Variants in CACYBP observed in about 807,000 individuals in gnomAD.
CACYBP encodes calcyclin-binding protein.
Under a neutral mutation model 29.6 loss-of-function variants are expected in CACYBP, and 11 were observed. The observed-to-expected ratio is 0.37, with a 90% CI of 0.23 to 0.61. The LOEUF is 0.61. Ranked by LOEUF, CACYBP falls within the 20% of genes least tolerant of loss-of-function variation. The pLI is 0.65. For missense variants in CACYBP, 163 were observed against 260.7 expected, an observed-to-expected ratio of 0.63 and a Z score of 2.58; for synonymous variants, 73 against 88.3, an observed-to-expected ratio of 0.83 and a Z score of 0.97.
In CACYBP at chr1:175,000,010, T is replaced by A; in HGVS notation, c.-171T>A. 1.1e-6 allele frequency: 1 copy of A among 938,394 alleles called. No homozygotes were observed. Among genetic ancestry groups the A allele is most frequent in the Non-Finnish European group, 1.6e-6 (1 of 613,400 alleles). The allele number at this position is 938,394 out of a possible 1,614,324, so 58.1% of individuals were successfully genotyped here. ...CTGCCTCGCGAAGGTTCGAGATCCGTCGCGTGCGGGAGGCGGGCCGCGATC... is the reference window on the plus strand; with the variant it reads ...CTGCCTCGCGAAGGTTCGAGATCCGACGCGTGCGGGAGGCGGGCCGCGATC... On this transcript the variant is annotated 5_prime_UTR_variant, in exon 1 of 6. Transcript: ENST00000367679.
chr1:175,004,516 T>A, intron 1 of CACYBP, 98 bp from the exon 2 acceptor site: 1 of 712,554 alleles, frequency 1.4e-6, no homozygotes, highest in Non-Finnish European at 2.3e-6. Context: ...ACTTCTTAAT[T>A]CTTAGTGCTT....
chr1:175,006,952 C>T, intron 3 of CACYBP, 111 bp downstream of exon 3: 1 of 841,380 alleles, frequency 1.2e-6, no homozygotes, highest in Non-Finnish European at 1.9e-6. Context: ...ATTAATTATC[C>T]TTTACAACTA....
At chr1:175,000,698 C>A in intron 1 of CACYBP, 1 of 727,214 alleles carries the variant, frequency 1.4e-6, no homozygotes. Flanking sequence ...TTCTCTGTGT[C>A]GCAGTAGCAT....
At position 175,011,424 on chromosome 1, in the gene CACYBP, G is replaced by A. The variant is rs1320884060; in HGVS notation, c.*1345G>A. 1 of 151,944 alleles carries A rather than the reference G, an allele frequency of 6.6e-6. No individual in the cohort carries two copies. The highest frequency in any genetic ancestry group is 1.5e-5 in the Non-Finnish European group (1 of 67,990). 9.4% of individuals were successfully genotyped at this position (151,944 alleles called of 1,614,324 possible). A position where few individuals can be genotyped will look rare whatever the true frequency, so the allele number is the denominator to read the frequency against. On this transcript the variant is annotated 3_prime_UTR_variant, in exon 6 of 6. Transcript: ENST00000367679. ...ATAGATATATTCCAAGCCGCCTGAC[G>A]ATCTAATTGTAAAAAGTAAAGCATA...
intron 2 of CACYBP, among the ~76,000 whole-genome samples, chr1:175,005,594 G>T (rs1171833371): frequency 6.6e-6 from 1 of 152,176 alleles, no homozygotes; most frequent in African/African-American, 2.4e-5. Flanking sequence ...CAGAGAATGT[G>T]AATAGAGAGT....
rs1371755590 is a variant in CACYBP at position 175,004,960 on chromosome 1, TTTTA to T, written c.235+132_235+135del. ...GTGGTTTGGAGCAAGACCCATCAGTTTTTATTTAATAAAACTTTTTTAAGATATA... is the reference window on the plus strand; with the variant it reads ...GTGGTTTGGAGCAAGACCCATCAGTTTTTAATAAAACTTTTTTAAGATATA... On this transcript the variant is annotated intron_variant, in intron 2 of 5. Transcript: ENST00000367679. 4 of 721,738 alleles carry T rather than the reference TTTTA, an allele frequency of 5.5e-6. No homozygotes were observed. The Admixed American group carries it at 6.4e-5, about 12-fold the overall frequency. The allele number at this position is 721,738 out of a possible 1,614,324, so 44.7% of individuals were successfully genotyped here.
Position 175,004,841 on chromosome 1 carries a change from T to G in CACYBP, c.235+8T>G, listed in dbSNP as rs1384671891. On this transcript the variant is annotated splice_region_variant and intron_variant, in intron 2 of 5. Transcript: ENST00000367679. ...TGAAAATCAGTAATTATGGTATGAC[T>G]TGCTTCCCTATAGCCAGTTCTGCCT... 1 of 1,573,254 alleles carries G rather than the reference T, an allele frequency of 6.4e-7. No individual in the cohort carries two copies. Among genetic ancestry groups the G allele is most frequent in the East Asian group, 2.2e-5 (1 of 44,712 alleles).
intron 4 of CACYBP, among the ~76,000 whole-genome samples, chr1:175,008,370 C>G (rs1672667683): frequency 6.6e-6 from 1 of 152,006 alleles, no homozygotes; most frequent in Non-Finnish European, 1.5e-5. Context: ...CCCCCATTAA[C>G]ACCCGCTTTG....
intron 1 of CACYBP, chr1:175,000,607 C>G: frequency 1.8e-6 from 2 of 1,090,612 alleles, no homozygotes; most frequent in Non-Finnish European, 2.2e-6. Flanking sequence ...AAGGTGAGTT[C>G]TCAGTGCTAG....
chr1:175,006,943 T>C, intron 3 of CACYBP, 102 bp downstream of exon 3: 1 of 858,704 alleles, frequency 1.2e-6, no homozygotes, highest in Non-Finnish European at 1.9e-6. Flanking sequence ...AAATTTAGAA[T>C]TAATTATCCT....
intron 1 of CACYBP, among the ~76,000 whole-genome samples, chr1:175,000,953 C>G (rs1672463041): frequency 6.6e-6 from 1 of 152,166 alleles, no homozygotes. Flanking sequence ...TGCTCATTTC[C>G]TGGCGTAAGT....
At chr1:175,006,924 A>T in intron 3 of CACYBP, 83 bp downstream of exon 3, 1 of 923,544 alleles carries the variant, frequency 1.1e-6, no homozygotes. Flanking sequence ...TGCAGTTTTT[A>T]AAATTCTTAA....
At chr1:174,999,649 G>A (rs534344968), upstream of CACYBP, 2 of 228,256 alleles carry the variant, frequency 8.8e-6, no homozygotes, top group East Asian at 1.8e-4. Flanking sequence ...ACGAAAGCAG[G>A]TGACTCTCTA....
intron 1 of CACYBP, among the ~76,000 whole-genome samples, chr1:175,003,149 G>A (rs182948286): frequency 2.8e-3 from 413 of 145,052 alleles, no homozygotes; most frequent in Non-Finnish European, 5.0e-3. Flanking sequence ...ACCGAGTTTT[G>A]CTCTTGTTGC....
chr1:175,001,484 C>T (rs1672488353), intron 1 of CACYBP, among the ~76,000 whole-genome samples: 1 of 152,196 alleles, frequency 6.6e-6, no homozygotes, highest in African/African-American at 2.4e-5. Context: ...TAAACAATTG[C>T]TTCCCATTCC....
At position 175,007,294 on chromosome 1, in the gene CACYBP, G is replaced by C. The variant is rs993369086; in HGVS notation, c.432+97G>C. 1.8e-5 allele frequency: 13 copies of C among 722,696 alleles called. 1 individual carries two copies. The South Asian group carries it at 2.2e-4, about 12-fold the overall frequency. 44.8% of individuals were successfully genotyped at this position (722,696 alleles called of 1,614,324 possible). ...ATGAACTGGAATGAATTTGTCCTCT[G>C]TAACAGGGACCACCGCCTGTTTTGT... On this transcript the variant is annotated intron_variant, in intron 4 of 5. Transcript: ENST00000367679.
upstream of CACYBP, chr1:174,999,786 A>G (rs1672413006): frequency 5.9e-6 from 2 of 338,230 alleles, no homozygotes; most frequent in Non-Finnish European, 1.1e-5. Flanking sequence ...AAAAGTTGTC[A>G]GGGCGGAGAG....
Position 175,010,454 on chromosome 1 carries a change from G to A in CACYBP, c.*375G>A. ...AAGTTACTGACATCAGCTTCCACCA[G>A]TGTAAAAATTGAGTAAAACCTGAAG... is the stretch of plus-strand genomic sequence containing the variant. On this transcript the variant is annotated 3_prime_UTR_variant, in exon 6 of 6. Coordinates refer to ENST00000367679, the MANE Select transcript of CACYBP (RefSeq NM_014412.3). 6.4e-6 allele frequency: 1 copy of A among 156,468 alleles called. No individual in the cohort carries two copies. Among genetic ancestry groups the A allele is most frequent in the Non-Finnish European group, 1.4e-5 (1 of 70,828 alleles). 9.7% of individuals were successfully genotyped at this position (156,468 alleles called of 1,614,324 possible).
chr1:175,000,494 C>G, intron 1 of CACYBP: 2 of 1,317,840 alleles, frequency 1.5e-6, no homozygotes, highest in Middle Eastern at 2.9e-4. Context: ...GCGCGTGTTC[C>G]TCAGGCCCTT....
Sources: gnomAD v4.1 joint callset for allele counts (sites outside exome capture counted in the v4.1 genomes callset) on GRCh38, gnomAD v4.1.1 for gene constraint, MANE v1.5 for transcripts, NCBI Gene and HGNC (gene_info 2026-07-23, HGNC 2026-07-21) for gene names.